Variants in ABCA12 observed in about 807,000 individuals in gnomAD.
The protein encoded by ABCA12 is glucosylceramide transporter ABCA12.
A neutral mutation model predicts 293.5 loss-of-function variants in ABCA12; 156 were observed. The ratio of observed to expected loss-of-function variants is 0.53; its 90% confidence interval spans 0.47 to 0.61. The LOEUF (loss-of-function observed/expected upper bound fraction) is 0.61. Among genes scored for constraint, ABCA12 ranks in the 20% least tolerant of loss-of-function variants. The probability of loss-of-function intolerance (pLI) is 0.00; values close to 1 mark genes in which losing one functional copy is unlikely to be tolerated. For synonymous variants in ABCA12, 1,063 were observed against 1,108.0 expected, an observed-to-expected ratio of 0.96 and a Z score of 0.81; for missense variants, 2,797 against 3,090.2, an observed-to-expected ratio of 0.91 and a Z score of 2.25.
At chr2:214,986,790 A>G (rs1237523432) in intron 27 of ABCA12, 62 bp from the exon 28 acceptor site, 6 of 1,443,964 alleles carry the variant, frequency 4.2e-6, no homozygotes, top group Non-Finnish European at 5.8e-6. Flanking sequence ...CTAGAGTTAG[A>G]CTTTATCTTT....
At chr2:215,058,193 C>T (rs1412569860) in intron 3 of ABCA12, among the ~76,000 whole-genome samples, 2 of 151,890 alleles carry the variant, frequency 1.3e-5, no homozygotes, top group Non-Finnish European at 2.9e-5. Context: ...TGGATAATAC[C>T]CCTACCCCGG....
chr2:214,985,959 G>C (rs1486556016), intron 28 of ABCA12, among the ~76,000 whole-genome samples: 1 of 152,158 alleles, frequency 6.6e-6, no homozygotes, highest in Non-Finnish European at 1.5e-5. Context: ...AGAAAGAACA[G>C]CTTATGTTCT....
At chr2:215,125,859 C>T (rs1702909791) in intron 1 of ABCA12, among the ~76,000 whole-genome samples, 2 of 152,086 alleles carry the variant, frequency 1.3e-5, no homozygotes, top group Non-Finnish European at 2.9e-5. Context: ...GAGTGGACAT[C>T]CTTGTCTTGT....
rs765181062 is a variant in ABCA12 at position 215,054,640 on chromosome 2, G to C, written c.342C>G (p.Asn114Lys). ...KDSEILRKSS[N>K]LDKDSSLSFQ... ...ATGATAAACTGCTGTCCTTATCCAG[G>C]TTGGATGACTTTCTCAGAATCTCAC... The change falls in exon 4 of 53, where the codon AAC (asparagine) becomes AAG (lysine). Residue 114 changes from asparagine (N) to lysine (K), a missense_variant. Around this residue, in one of 3 missense-constraint regions of ABCA12, gnomAD observed 656 missense variants for 638.2 expected, o/e 1.03. Coordinates refer to ENST00000272895, the MANE Select transcript of ABCA12 (RefSeq NM_173076.3). The C allele has an allele frequency of 6.8e-6, 11 of 1,611,930 alleles. No homozygotes were observed. The highest frequency in any genetic ancestry group is 9.3e-6 in the Non-Finnish European group (11 of 1,178,438).
At position 215,138,297 on chromosome 2, in the gene ABCA12, A is replaced by AGTGTATCAGTACCCCTTTCAC. The variant is rs1178360040; in HGVS notation, c.-110_-90dup. The AGTGTATCAGTACCCCTTTCAC allele has an allele frequency of 3.7e-6, 5 of 1,334,530 alleles. No individual in the cohort carries two copies. Among genetic ancestry groups the AGTGTATCAGTACCCCTTTCAC allele is most frequent in the African/African-American group, 1.4e-5 (1 of 69,270 alleles). 82.7% of individuals were successfully genotyped at this position (1,334,530 alleles called of 1,614,324 possible). A position where few individuals can be genotyped will look rare whatever the true frequency, so the allele number is the denominator to read the frequency against. On this transcript the variant is annotated 5_prime_UTR_variant, in exon 1 of 53. Transcript: ENST00000272895. Reference sequence around the variant, plus strand: ...TGCCCCGTCCAACTTGCTGTATGTCAGTGTATCAGTACCCCTTTCACGGCA... The same window carrying AGTGTATCAGTACCCCTTTCAC: ...TGCCCCGTCCAACTTGCTGTATGTCAGTGTATCAGTACCCCTTTCACGTGTATCAGTACCCCTTTCACGGCA...
chr2:215,109,680 T>C (rs1702531247), intron 2 of ABCA12, among the ~76,000 whole-genome samples: 1 of 147,496 alleles, frequency 6.8e-6, no homozygotes. Flanking sequence ...TTCTCTAGTA[T>C]TTTTTTTCTT....
chr2:215,054,552 C>T, intron 4 of ABCA12, 21 bp downstream of exon 4: 1 of 1,590,658 alleles, frequency 6.3e-7, no homozygotes, highest in Admixed American at 1.7e-5. Flanking sequence ...GTTCTGAACT[C>T]TACAGAAGAA....
chr2:215,063,991 G>A, intron 3 of ABCA12, 75 bp downstream of exon 3: 1 of 1,595,068 alleles, frequency 6.3e-7, no homozygotes. Flanking sequence ...AGCTTGCATG[G>A]CTTCCTGGCT....
At chr2:214,964,579 C>A (rs1372509659) in intron 39 of ABCA12, among the ~76,000 whole-genome samples, 1 of 151,950 alleles carries the variant, frequency 6.6e-6, no homozygotes, top group Non-Finnish European at 1.5e-5. Context: ...TCCTATACAC[C>A]AACAGCAGGC....
intron 1 of ABCA12, among the ~76,000 whole-genome samples, chr2:215,124,944 G>T (rs1426910059): frequency 6.6e-6 from 1 of 152,106 alleles, no homozygotes; most frequent in Non-Finnish European, 1.5e-5. Context: ...TCAGGTCTTC[G>T]GTTTAAGTCC....
chr2:215,116,390 G>T (rs1479305543), intron 1 of ABCA12, among the ~76,000 whole-genome samples: 1 of 152,136 alleles, frequency 6.6e-6, no homozygotes, highest in Non-Finnish European at 1.5e-5. Flanking sequence ...GAAAGAGACA[G>T]ATGATACAAA....
intron 2 of ABCA12, among the ~76,000 whole-genome samples, chr2:215,094,849 C>G (rs1430578287): frequency 6.6e-6 from 1 of 152,134 alleles, no homozygotes; most frequent in Non-Finnish European, 1.5e-5. Context: ...CCCTAAGAGT[C>G]TGAGTGCAAG....
intron 51 of ABCA12, among the ~76,000 whole-genome samples, chr2:214,936,793 T>C (rs1355890617): frequency 6.6e-6 from 1 of 152,206 alleles, no homozygotes; most frequent in Non-Finnish European, 1.5e-5. Context: ...TCTGGAGCTC[T>C]GTAGTTTTTT....
chr2:215,060,620 G>T (rs958795969), intron 3 of ABCA12, among the ~76,000 whole-genome samples: 2 of 151,906 alleles, frequency 1.3e-5, no homozygotes, highest in Non-Finnish European at 2.9e-5. Flanking sequence ...AGCTAAAATG[G>T]TTACTAAATG....
At chr2:215,129,357 A>C (rs1318344055) in intron 1 of ABCA12, among the ~76,000 whole-genome samples, 3 of 152,156 alleles carry the variant, frequency 2.0e-5, no homozygotes, top group Non-Finnish European at 4.4e-5. Context: ...GTGCTGCCTG[A>C]TCTGCATCCA....
At chr2:215,076,215 G>A (rs1238072266) in intron 2 of ABCA12, among the ~76,000 whole-genome samples, 1 of 152,190 alleles carries the variant, frequency 6.6e-6, no homozygotes, top group South Asian at 2.1e-4. Context: ...GTGACCCGTG[G>A]CTTGCTTTGT....
rs1319555508 is a variant in ABCA12 at position 214,966,882 on chromosome 2, TC to T, written c.5849del (p.Arg1950GlnfsTer35). 6.2e-7 allele frequency: 1 copy of T among 1,613,766 alleles called. No homozygotes were observed. Among genetic ancestry groups the T allele is most frequent in the East Asian group, 2.2e-5 (1 of 44,874 alleles). ...CAGCATCGTATTTTGACATGTTAACTCGCAGAAGGAAATTATTCAGGCTGTT... is the reference window on the plus strand; with the variant it reads ...CAGCATCGTATTTTGACATGTTAACTGCAGAAGGAAATTATTCAGGCTGTT... ...YLNSLNNFLL[R>X]VNMSKYDAAR... On this transcript the variant is annotated frameshift_variant, in exon 39 of 53. Transcript: ENST00000272895. LOFTEE classifies it high-confidence loss of function.
In ABCA12 at chr2:215,025,654, T is replaced by G. The variant is rs773712498; in HGVS notation, c.1287+19A>C. ...TTTTTTTTTTTGTTTTTTGTTTTTT[T>G]TTTACTTTCATGGCTTACTTTTGAT... On this transcript the variant is annotated intron_variant, in intron 11 of 52. Coordinates refer to ENST00000272895, the MANE Select transcript of ABCA12 (RefSeq NM_173076.3). 2.4e-5 allele frequency: 36 copies of G among 1,526,676 alleles called. No homozygotes were observed. In the Middle Eastern group the frequency reaches 1.6e-3, roughly 68 times the overall value. The allele number at this position is 1,526,676 out of a possible 1,614,324, so 94.6% of individuals were successfully genotyped here. A position where few individuals can be genotyped will look rare whatever the true frequency, so the allele number is the denominator to read the frequency against.
At chr2:215,070,529 C>A (rs1159111976) in intron 2 of ABCA12, among the ~76,000 whole-genome samples, 1 of 94,928 alleles carries the variant, frequency 1.1e-5, no homozygotes, top group African/African-American at 4.2e-5. Flanking sequence ...TGCTATCCCT[C>A]CCCCCTCCCC....
Sources: gnomAD v4.1 joint callset for allele counts (sites outside exome capture counted in the v4.1 genomes callset) on GRCh38, gnomAD v4.1.1 for gene constraint, gnomAD v4.1.1 regional missense constraint, MANE v1.5 for transcripts, NCBI Gene and HGNC (gene_info 2026-07-23, HGNC 2026-07-21) for gene names.